RTN4: variants seen among roughly 807,000 people sequenced by gnomAD.
The protein encoded by RTN4 is reticulon-4.
In RTN4, 32 loss-of-function variants were observed where a neutral mutation model predicts 90.4. The observed-to-expected ratio is 0.35, with a 90% CI of 0.27 to 0.48. RTN4 has a LOEUF of 0.48. RTN4 is among the 20% of genes least tolerant of loss of function. The probability of loss-of-function intolerance (pLI) is 0.99; values close to 1 mark genes in which losing one functional copy is unlikely to be tolerated. For synonymous variants in RTN4, 629 were observed against 552.5 expected (o/e 1.14, Z -1.94); for missense variants, 1,706 against 1,430.2 (o/e 1.19, Z -3.11).
intron 1 of RTN4, among the ~76,000 whole-genome samples, chr2:55,099,362 A>G (rs1305706865): frequency 1.3e-5 from 2 of 152,056 alleles, no homozygotes; most frequent in South Asian, 2.1e-4. Context: ...TGATGTCAAA[A>G]CTGTGACACC....
At chr2:55,120,249 G>A in the RTN4 span, among the ~76,000 whole-genome samples, 6 of 152,304 alleles carry the variant, frequency 3.9e-5, no homozygotes, top group Non-Finnish European at 8.8e-5. Context: ...TAGAAGGAAA[G>A]CAATGCTTCC....
intron 3 of RTN4, chr2:55,010,211 G>T (rs989750609): frequency 5.0e-6 from 8 of 1,595,454 alleles, no homozygotes; most frequent in Non-Finnish European, 6.8e-6. Flanking sequence ...CCTGAGACAT[G>T]AAATACCCGT....
the RTN4 span, among the ~76,000 whole-genome samples, chr2:55,133,418 T>A: frequency 4.7e-4 from 71 of 152,282 alleles, no homozygotes; most frequent in African/African-American, 1.7e-3. Flanking sequence ...AAGCAATAAA[T>A]ACTTGTAAAA....
Position 55,028,178 on chromosome 2 carries a change from A to G in RTN4, c.599T>C (p.Ile200Thr). Residue 200 changes from isoleucine to threonine, a missense_variant, in exon 2 of 9, where the codon ATA becomes ACA. Physicochemically the swap from Ile to Thr is moderately conservative, Grantham distance 89. Coordinates refer to ENST00000337526, the MANE Select transcript of RTN4 (RefSeq NM_020532.5). ...AAAGAACTTGCCTGCAGAGGAGCGT[A>G]TCACAGGCTCAGATGCAGCAGGAAG... ...FALPAASEPV[I>T]RSSAENMDLK... The G allele has an allele frequency of 6.2e-7, 1 of 1,613,110 alleles. No individual in the cohort carries two copies.
chr2:55,130,974 C>T, the RTN4 span, among the ~76,000 whole-genome samples: 3 of 152,308 alleles, frequency 2.0e-5, no homozygotes, highest in African/African-American at 7.2e-5. Flanking sequence ...GTCCAAGAGT[C>T]ATGCAAAAGT....
At position 55,050,247 on chromosome 2, in the gene RTN4, C is replaced by T. The variant is rs1342923821; in HGVS notation, c.54G>A (p.Arg18=). ...ACTGGTACTTGAACGCGGGCTGCGGCCGGGGTGGGCTGTCCGAGGACGAGA... is the reference window on the plus strand; with the variant it reads ...ACTGGTACTTGAACGCGGGCTGCGGTCGGGGTGGGCTGTCCGAGGACGAGA... The part of the protein sequence containing the change: ...PLVSSSDSPP[R]PQPAFKYQFV... The change falls in exon 1 of 9, where the codon CGG becomes CGA. Residue 18 remains arginine, a synonymous_variant. Transcript: ENST00000337526. The surrounding 1 kb of genome is among the most constrained non-coding windows in gnomAD (Gnocchi z 4.6). The T allele has an allele frequency of 1.9e-6, 3 of 1,540,430 alleles. No individual in the cohort carries two copies. Among genetic ancestry groups the T allele is most frequent in the Non-Finnish European group, 2.6e-6 (3 of 1,144,818 alleles).
In RTN4 at chr2:55,050,265, G is replaced by C. The variant is rs912552420; in HGVS notation, c.36C>G (p.Ser12=). The change falls in exon 1 of 9, where the codon TCC becomes TCG. Residue 12 remains serine (S), a synonymous_variant. Transcript: ENST00000337526. This position sits in a 1 kb window ranked among gnomAD's most constrained non-coding sequence, Gnocchi z 4.6. ...GCTGCGGCCGGGGTGGGCTGTCCGA[G>C]GACGAGACCAGAGGAGACTGGTCCA... is the stretch of plus-strand genomic sequence containing the variant. ...EDLDQSPLVS[S]SDSPPRPQPA... 1.3e-6 allele frequency: 2 copies of C among 1,524,718 alleles called. No homozygotes were observed. The highest frequency in any genetic ancestry group is 2.8e-5 in the African/African-American group (2 of 70,326). 94.4% of individuals were successfully genotyped at this position (1,524,718 alleles called of 1,614,324 possible).
chr2:55,043,205 TC>T (rs1683190717), intron 1 of RTN4, among the ~76,000 whole-genome samples: 1 of 152,168 alleles, frequency 6.6e-6, no homozygotes, highest in Admixed American at 6.5e-5. Context: ...CCATTACAGT[TC>T]CCATCCCTAG....
chr2:54,981,264 TA>T (rs1256857214), intron 5 of RTN4, among the ~76,000 whole-genome samples: 1 of 150,710 alleles, frequency 6.6e-6, no homozygotes, highest in Non-Finnish European at 1.5e-5. Context: ...TACTAGGTTA[TA>T]AAGGCTAAAA....
intron 1 of RTN4, 104 bp downstream of exon 1, chr2:55,049,641 G>A (rs565235707): frequency 5.3e-6 from 8 of 1,517,294 alleles, no homozygotes; most frequent in South Asian, 1.2e-5. Flanking sequence ...CAGACAAAGC[G>A]CCCTCGGGGC....
intron 2 of RTN4, among the ~76,000 whole-genome samples, chr2:55,069,767 C>T (rs11884082): frequency 0.03 from 4,581 of 152,256 alleles, 224 homozygotes; most frequent in African/African-American, 0.1. Context: ...CCAATGTCCA[C>T]GAAGTTCAGT....
chr2:55,013,621 G>A (rs1680810314), intron 3 of RTN4, among the ~76,000 whole-genome samples: 1 of 68,376 alleles, frequency 1.5e-5, no homozygotes, highest in African/African-American at 7.8e-5. Flanking sequence ...GGGGGGGGGA[G>A]GGTGTAGGGG....
chr2:55,072,139 G>A (rs1002104565), intron 2 of RTN4, among the ~76,000 whole-genome samples: 1 of 101,028 alleles, frequency 9.9e-6, no homozygotes, highest in Non-Finnish European at 2.0e-5. Context: ...GATGTGGATT[G>A]TTTTTAGTTA....
At chr2:55,049,619 C>A (rs1403750417) in intron 1 of RTN4, 126 bp downstream of exon 1, 2 of 1,474,588 alleles carry the variant, frequency 1.4e-6, no homozygotes, top group East Asian at 5.0e-5. Flanking sequence ...GGCGCCATCG[C>A]CCCGAAGTCC....
chr2:55,027,265 C>T lies in RTN4; in HGVS notation c.834G>A (p.Glu278=), dbSNP rs1194975795. The change falls in exon 3 of 9, where the codon GAG becomes GAA. Residue 278 remains glutamate, a synonymous_variant. Transcript: ENST00000337526. Reference sequence around the variant, plus strand: ...TATCTATGAGTAGAGTTTTTGCCTTCTCTGAGACCTCTTTAGAAGCTTCAC... The same window carrying T: ...TATCTATGAGTAGAGTTTTTGCCTTTTCTGAGACCTCTTTAGAAGCTTCAC... ...NVSEASKEVS[E]KAKTLLIDRD... 1 of 1,613,552 alleles carries T rather than the reference C, an allele frequency of 6.2e-7. No homozygotes were observed. The highest frequency in any genetic ancestry group is 8.5e-7 in the Non-Finnish European group (1 of 1,179,788).
At chr2:54,981,815 A>AAATATGAAT (rs1328169248) in intron 5 of RTN4, among the ~76,000 whole-genome samples, 3 of 149,946 alleles carry the variant, frequency 2.0e-5, no homozygotes, top group African/African-American at 7.4e-5. Context: ...GCTTTCATGT[A>AAATATGAAT]CATAAGTGCT....
Position 54,987,584 on chromosome 2 carries a change from A to T in RTN4, c.3128T>A (p.Ile1043Asn), listed in dbSNP as rs774327941. ...GGTCACAGAGAGCAGGGCCAAGGCA[A>T]TGTAGGCTGTTACGCTCACAATGCT... ...VFSIVSVTAY[I>N]ALALLSVTIS... The change falls in exon 4 of 9, where the codon ATT (isoleucine) becomes AAT (asparagine). Residue 1043 changes from isoleucine (I) to asparagine (N), a missense_variant. Coordinates refer to ENST00000337526, the MANE Select transcript of RTN4 (RefSeq NM_020532.5). The T allele has an allele frequency of 6.2e-7, 1 of 1,614,158 alleles. No homozygotes were observed. Among genetic ancestry groups the T allele is most frequent in the Non-Finnish European group, 8.5e-7 (1 of 1,179,972 alleles).
chr2:55,060,986 A>G (rs1387066046), intron 2 of RTN4, among the ~76,000 whole-genome samples: 1 of 152,126 alleles, frequency 6.6e-6, no homozygotes, highest in Admixed American at 6.5e-5. Flanking sequence ...TGGACCTCCA[A>G]TACTAAAGAA....
At chr2:55,063,373 C>T (rs754108641) in intron 2 of RTN4, among the ~76,000 whole-genome samples, 7 of 151,888 alleles carry the variant, frequency 4.6e-5, no homozygotes, top group Non-Finnish European at 8.8e-5. Context: ...GAGGAGACTG[C>T]GTGTGGGAAG....
Sources: allele counts gnomAD v4.1 joint callset (sites outside exome capture counted in the v4.1 genomes callset), GRCh38; gene constraint gnomAD v4.1.1; non-coding constraint Gnocchi (gnomAD v3.1); transcripts MANE v1.5; gene names NCBI Gene and HGNC (gene_info 2026-07-23, HGNC 2026-07-21).